Variants in SAP30 observed in about 807,000 individuals in gnomAD.
SAP30 encodes the protein Sin3A associated protein 30.
Under a neutral mutation model 19.6 loss-of-function variants are expected in SAP30, and 13 were observed. The observed-to-expected ratio is 0.66, with a 90% CI of 0.43 to 1.05. The LOEUF is 1.05. Among genes scored for constraint, SAP30 ranks in the 50% least tolerant of loss-of-function variants. The probability of loss-of-function intolerance (pLI) is 0.00; values close to 1 mark genes in which losing one functional copy is unlikely to be tolerated. For missense variants in SAP30, 257 were observed against 292.1 expected (o/e 0.88, Z 0.88); for synonymous variants, 108 against 122.7 (o/e 0.88, Z 0.79).
chr4:173,376,297 T>C (rs1381866185), intron 3 of SAP30, among the ~76,000 whole-genome samples: 2 of 152,240 alleles, frequency 1.3e-5, no homozygotes, highest in African/African-American at 2.4e-5. Flanking sequence ...ACATCCTTCA[T>C]TGAACATCCC....
chr4:173,376,263 A>T (rs1739037082), intron 3 of SAP30, among the ~76,000 whole-genome samples: 2 of 152,240 alleles, frequency 1.3e-5, no homozygotes, highest in African/African-American at 4.8e-5. Flanking sequence ...TGTTAGCACA[A>T]TGAAAAAGCA....
Position 173,377,340 on chromosome 4 carries a change from TG to T in SAP30, c.*14del, listed in dbSNP as rs769497396. ...TGGTGTTCACTAGGAGACGTGGAAT[TG>T]AGACTAATAACTTGGATGTTAACAC... On this transcript the variant is annotated 3_prime_UTR_variant, in exon 4 of 4. Coordinates refer to ENST00000296504, the MANE Select transcript of SAP30 (RefSeq NM_003864.4). 2 of 1,596,244 alleles carry T rather than the reference TG, an allele frequency of 1.3e-6. No homozygotes were observed. The highest frequency in any genetic ancestry group is 1.4e-5 in the African/African-American group (1 of 73,792).
At chr4:173,374,514 C>A (rs1340810261) in intron 3 of SAP30, among the ~76,000 whole-genome samples, 1 of 152,160 alleles carries the variant, frequency 6.6e-6, no homozygotes, top group Non-Finnish European at 1.5e-5. Flanking sequence ...CTCCTGACTT[C>A]AAGTGATCTG....
Position 173,377,380 on chromosome 4 carries a change from T to C in SAP30, c.*53T>C. 3.3e-6 allele frequency: 5 copies of C among 1,530,656 alleles called. No homozygotes were observed. Among genetic ancestry groups the C allele is most frequent in the Non-Finnish European group, 4.4e-6 (5 of 1,138,418 alleles). 94.8% of individuals were successfully genotyped at this position (1,530,656 alleles called of 1,614,324 possible). A position where few individuals can be genotyped will look rare whatever the true frequency, so the allele number is the denominator to read the frequency against. On this transcript the variant is annotated 3_prime_UTR_variant, in exon 4 of 4. Coordinates refer to ENST00000296504, the MANE Select transcript of SAP30 (RefSeq NM_003864.4). ...GGATGTTAACACTGTTTACTGTTTT[T>C]TCACATGTAGAAATGTTCTTTGTGT...
At chr4:173,372,421 T>G (rs1238856838) in intron 1 of SAP30, among the ~76,000 whole-genome samples, 2 of 152,254 alleles carry the variant, frequency 1.3e-5, no homozygotes, top group Admixed American at 6.5e-5. Flanking sequence ...TTTTGCCCGT[T>G]TAAACAGTTT....
chr4:173,372,031 C>T (rs976459150), intron 1 of SAP30, among the ~76,000 whole-genome samples: 2 of 152,234 alleles, frequency 1.3e-5, no homozygotes, highest in African/African-American at 4.8e-5. Context: ...AGCTCACCCG[C>T]CGCCTGGCAG....
chr4:173,371,349 CG>C lies in SAP30; in HGVS notation c.172del (p.Ala58ArgfsTer41). 2.0e-6 allele frequency: 3 copies of C among 1,470,374 alleles called. No individual in the cohort carries two copies. Among genetic ancestry groups the C allele is most frequent in the Admixed American group, 2.5e-5 (1 of 40,382 alleles). 91.1% of individuals were successfully genotyped at this position (1,470,374 alleles called of 1,614,324 possible). On this transcript the variant is annotated frameshift_variant, in exon 1 of 4. Coordinates refer to ENST00000296504, the MANE Select transcript of SAP30 (RefSeq NM_003864.4). LOFTEE classifies it high-confidence loss of function. This position sits in a 1 kb window ranked among gnomAD's most constrained non-coding sequence, Gnocchi z 6.4. ...GAGAVSAAGP[P>X]GAAGPGPGQL... ...GGGGCGGTCTCAGCGGCTGGGCCCC[CG>C]GGGGCGGCCGGGCCGGGCCCCGGGC...
chr4:173,375,913 C>T (rs1739028555), intron 3 of SAP30, among the ~76,000 whole-genome samples: 1 of 152,150 alleles, frequency 6.6e-6, no homozygotes, highest in Admixed American at 6.5e-5. Context: ...GAGTCCAAAC[C>T]CTCTTGTGAA....
Position 173,371,160 on chromosome 4 carries a change from G to C in SAP30, c.-23G>C, listed in dbSNP as rs773071569. ...CAGGAGAGAGGGGATTTCTGTCAGC[G>C]CCGGCCTCGGGAGCTCGGAGACATG... On this transcript the variant is annotated 5_prime_UTR_variant, in exon 1 of 4. Transcript: ENST00000296504. This position sits in a 1 kb window ranked among gnomAD's most constrained non-coding sequence, Gnocchi z 6.4. 1.2e-5 allele frequency: 18 copies of C among 1,475,298 alleles called. No individual in the cohort carries two copies. Among genetic ancestry groups the C allele is most frequent in the Non-Finnish European group, 1.6e-5 (18 of 1,118,290 alleles). The allele number at this position is 1,475,298 out of a possible 1,614,324, so 91.4% of individuals were successfully genotyped here. A position where few individuals can be genotyped will look rare whatever the true frequency, so the allele number is the denominator to read the frequency against.
Position 173,371,595 on chromosome 4 carries a change from C to T in SAP30, c.315+98C>T. On this transcript the variant is annotated intron_variant, in intron 1 of 3. Coordinates refer to ENST00000296504, the MANE Select transcript of SAP30 (RefSeq NM_003864.4). This position sits in a 1 kb window ranked among gnomAD's most constrained non-coding sequence, Gnocchi z 6.4. The stretch of plus-strand genomic sequence containing the variant: ...TTGTCGGCGGGGTCCCCCAGACAAC[C>T]GCACTGGCTGCAGTGCGGTCTCGTG... The T allele has an allele frequency of 1.3e-6, 2 of 1,497,320 alleles. No homozygotes were observed. Among genetic ancestry groups the T allele is most frequent in the Non-Finnish European group, 1.8e-6 (2 of 1,121,698 alleles). 92.8% of individuals were successfully genotyped at this position (1,497,320 alleles called of 1,614,324 possible).
chr4:173,373,865 TTG>T, intron 2 of SAP30, 72 bp from the exon 3 acceptor site: 1 of 670,662 alleles, frequency 1.5e-6, no homozygotes, highest in Non-Finnish European at 2.4e-6. Context: ...GTTAAAATGT[TTG>T]TTATTATACA....
rs1305273582 is a variant in SAP30, at chr4:173,371,460, T to C, written c.278T>C (p.Ile93Thr). 2 of 1,590,250 alleles carry C rather than the reference T, an allele frequency of 1.3e-6. No homozygotes were observed. The highest frequency in any genetic ancestry group is 1.7e-6 in the Non-Finnish European group (2 of 1,174,812). The part of the protein sequence containing the change: ...ASFSKRIQKS[I>T]SQKKVKIELD... ...TTCAGCAAGAGGATCCAGAAGAGCA[T>C]CTCCCAGAAGAAGGTGAAGATCGAG... Residue 93 changes from isoleucine to threonine, a missense_variant, in exon 1 of 4, where the codon ATC becomes ACC. Transcript: ENST00000296504. This position sits in a 1 kb window ranked among gnomAD's most constrained non-coding sequence, Gnocchi z 6.4.
Position 173,371,110 on chromosome 4 carries a change from C to CCGGAGCGGAGAGAGG in SAP30, c.-64_-50dup. ...TGGTGTGCAGAGTGAATTGCCGCTG[C>CCGGAGCGGAGAGAGG]CGGAGCGGAGAGAGGCGGAGCGGCC... is the stretch of plus-strand genomic sequence containing the variant. On this transcript the variant is annotated 5_prime_UTR_variant, in exon 1 of 4. Coordinates refer to ENST00000296504, the MANE Select transcript of SAP30 (RefSeq NM_003864.4). This position sits in a 1 kb window ranked among gnomAD's most constrained non-coding sequence, Gnocchi z 6.4. 1 of 1,374,874 alleles carries CCGGAGCGGAGAGAGG rather than the reference C, an allele frequency of 7.3e-7. No homozygotes were observed. The highest frequency in any genetic ancestry group is 9.4e-7 in the Non-Finnish European group (1 of 1,060,646). The allele number at this position is 1,374,874 out of a possible 1,614,324, so 85.2% of individuals were successfully genotyped here. A position where few individuals can be genotyped will look rare whatever the true frequency, so the allele number is the denominator to read the frequency against.
intron 1 of SAP30, among the ~76,000 whole-genome samples, chr4:173,373,155 C>A (rs1738976916): frequency 6.6e-6 from 1 of 152,168 alleles, no homozygotes; most frequent in Non-Finnish European, 1.5e-5. Flanking sequence ...CTCCCTTACC[C>A]CCTTCCCCAG....
At chr4:173,372,236 A>G (rs1163757427) in intron 1 of SAP30, among the ~76,000 whole-genome samples, 65 of 152,236 alleles carry the variant, frequency 4.3e-4, no homozygotes, top group Non-Finnish European at 8.8e-5. Flanking sequence ...GCTAGCGGTA[A>G]ATGAATAACA....
chr4:173,373,548 C>G (rs1186667164), intron 2 of SAP30, 33 bp downstream of exon 2: 1 of 1,556,644 alleles, frequency 6.4e-7, no homozygotes, highest in South Asian at 1.2e-5. Context: ...TAATGTAAAT[C>G]CTAAGTAGTG....
In SAP30 at chr4:173,371,587, C is replaced by G. The variant is rs1214472059; in HGVS notation, c.315+90C>G. 48 of 1,506,646 alleles carry G rather than the reference C, an allele frequency of 3.2e-5. No homozygotes were observed. Among genetic ancestry groups the G allele is most frequent in the Middle Eastern group, 3.6e-4 (2 of 5,494 alleles). The allele number at this position is 1,506,646 out of a possible 1,614,324, so 93.3% of individuals were successfully genotyped here. A position where few individuals can be genotyped will look rare whatever the true frequency, so the allele number is the denominator to read the frequency against. On this transcript the variant is annotated intron_variant, in intron 1 of 3. Coordinates refer to ENST00000296504, the MANE Select transcript of SAP30 (RefSeq NM_003864.4). This position sits in a 1 kb window ranked among gnomAD's most constrained non-coding sequence, Gnocchi z 6.4. The stretch of plus-strand genomic sequence containing the variant: ...GGCACGGGTTGTCGGCGGGGTCCCC[C>G]AGACAACCGCACTGGCTGCAGTGCG...
At chr4:173,372,896 C>A (rs1354478265) in intron 1 of SAP30, among the ~76,000 whole-genome samples, 1 of 152,202 alleles carries the variant, frequency 6.6e-6, no homozygotes, top group Non-Finnish European at 1.5e-5. Flanking sequence ...GATTCTCCTG[C>A]CATAGCCTCC....
chr4:173,376,746 G>A lies in SAP30; in HGVS notation c.541-459G>A, dbSNP rs1196866879. Among the ~76,000 whole-genome samples the A allele has an allele frequency of 3.9e-5, 6 of 151,982 alleles. No individual in the cohort carries two copies. In the East Asian group the frequency reaches 1.2e-3, roughly 29 times the overall value. Reference sequence around the variant, plus strand: ...CAATCCTCCTGTCTAAGCCTTCTGAGTAGCTAGGATTACAGGTGTACACCA... The same window carrying A: ...CAATCCTCCTGTCTAAGCCTTCTGAATAGCTAGGATTACAGGTGTACACCA... On this transcript the variant is annotated intron_variant, in intron 3 of 3. Coordinates refer to ENST00000296504, the MANE Select transcript of SAP30 (RefSeq NM_003864.4).
Sources: gnomAD v4.1 joint callset for allele counts (sites outside exome capture counted in the v4.1 genomes callset) on GRCh38, gnomAD v4.1.1 for gene constraint, Gnocchi (gnomAD v3.1) non-coding constraint, MANE v1.5 for transcripts, NCBI Gene and HGNC (gene_info 2026-07-23, HGNC 2026-07-21) for gene names.